The following PCDHGC4 variants were observed in gnomAD, a reference collection of about 807,000 sequenced individuals.
PCDHGC4 encodes the protein protocadherin gamma subfamily C, 4.
Under a neutral mutation model 59.7 loss-of-function variants are expected in PCDHGC4, and 15 were observed. That is an observed-to-expected ratio of 0.25 (90% CI 0.17 to 0.39). The LOEUF is 0.39. Among genes scored for constraint, PCDHGC4 ranks in the 10% least tolerant of loss-of-function variants. The pLI is 1.00. For missense variants in PCDHGC4, 1,016 were observed against 1,189.5 expected (o/e 0.85, Z 2.15); for synonymous variants, 434 against 481.4 (o/e 0.90, Z 1.29).
In PCDHGC4 at chr5:141,489,637, T is replaced by G. The variant is rs1230531256; in HGVS notation, c.2442+2022T>G. The G allele has an allele frequency of 6.2e-6, 10 of 1,614,032 alleles. No homozygotes were observed. The highest frequency in any genetic ancestry group is 2.7e-5 in the African/African-American group (2 of 74,914). On this transcript the variant is annotated intron_variant, in intron 1 of 3. Transcript: ENST00000306593. The surrounding 1 kb of genome is among the most constrained non-coding windows in gnomAD (Gnocchi z 4.5). The stretch of plus-strand genomic sequence containing the variant: ...GGATCTCAATGACAACTCTCCTAGC[T>G]TTGCCACCCCTGAGCGAGAGATGCG...
chr5:141,498,053 G>A (rs2099781284), intron 2 of PCDHGC4, among the ~76,000 whole-genome samples: 1 of 152,204 alleles, frequency 6.6e-6, no homozygotes, highest in Non-Finnish European at 1.5e-5. Flanking sequence ...AAATAAATGT[G>A]AGACTGAAAC....
chr5:141,502,884 A>T (rs2099816871), intron 2 of PCDHGC4, among the ~76,000 whole-genome samples: 1 of 36,804 alleles, frequency 2.7e-5, no homozygotes, highest in African/African-American at 3.5e-4. Context: ...TTTTTTTGAC[A>T]GGGAGTCTAG....
rs757308340 is a variant in PCDHGC4, at chr5:141,487,575, G to A, written c.2402G>A (p.Arg801His). ...GCACCTATGGCAGGGGAGCCTGTTC[G>A]CCCAAGCTGCCCACCCTCTGATCTT... ...PSAPMAGEPV[R>H]PSCPPSDLLY... The change falls in exon 1 of 4, where the codon CGC becomes CAC. Residue 801 changes from arginine to histidine, a missense_variant. By Grantham distance (29) the Arg-to-His change is conservative (BLOSUM62 0). Coordinates refer to ENST00000306593, the MANE Select transcript of PCDHGC4 (RefSeq NM_018928.3). This position sits in a 1 kb window ranked among gnomAD's most constrained non-coding sequence, Gnocchi z 5.0. The A allele has an allele frequency of 3.1e-6, 5 of 1,614,018 alleles. No homozygotes were observed. In the African/African-American group the frequency reaches 4.0e-5, roughly 13 times the overall value.
chr5:141,486,565 TC>T lies in PCDHGC4; in HGVS notation c.1394del (p.Pro465LeufsTer22). The T allele has an allele frequency of 6.2e-7, 1 of 1,614,024 alleles. No homozygotes were observed. The highest frequency in any genetic ancestry group is 2.2e-5 in the East Asian group (1 of 44,880). On this transcript the variant is annotated frameshift_variant, in exon 1 of 4. Transcript: ENST00000306593. LOFTEE classifies it high-confidence loss of function. This position sits in a 1 kb window ranked among gnomAD's most constrained non-coding sequence, Gnocchi z 5.0. Reference sequence around the variant, plus strand: ...TTCAGAGGTCACATGAGGTGTTTGTTCCTGAGAACAATCGCCCAGGGGACCT... The same window carrying T: ...TTCAGAGGTCACATGAGGTGTTTGTTCTGAGAACAATCGCCCAGGGGACCT... ...FFQRSHEVFV[P>X]ENNRPGDLLC...
rs769074023 is a variant in PCDHGC4, at chr5:141,491,738, G to A, written c.2443-3069G>A. ...GCGCCGCCCCGGGCGACCCCTGGGG[G>A]CGGCACTGGAGAAGCCGCCCGTCCT... On this transcript the variant is annotated intron_variant, in intron 1 of 3. Transcript: ENST00000306593. The surrounding 1 kb of genome is among the most constrained non-coding windows in gnomAD (Gnocchi z 6.9). 6.2e-7 allele frequency: 1 copy of A among 1,600,346 alleles called. No homozygotes were observed. The highest frequency in any genetic ancestry group is 8.5e-7 in the Non-Finnish European group (1 of 1,174,196).
At chr5:141,488,762 C>T (rs1470160100) in intron 1 of PCDHGC4, among the ~76,000 whole-genome samples, 1 of 152,142 alleles carries the variant, frequency 6.6e-6, no homozygotes, top group Non-Finnish European at 1.5e-5. Context: ...TGGGACAGAA[C>T]GCTGAGGAGT....
In PCDHGC4 at chr5:141,489,068, G is replaced by GGC; in HGVS notation, c.2442+1453_2442+1454insGC. 1 of 291,558 alleles carries GGC rather than the reference G, an allele frequency of 3.4e-6. No individual in the cohort carries two copies. The allele number at this position is 291,558 out of a possible 1,614,324, so 18.1% of individuals were successfully genotyped here. ...CTCAAATTCAGCTCCCCTCCCCCCT[G>GGC]CCCACCCCCGCCACTCGGTGACTAA... On this transcript the variant is annotated intron_variant, in intron 1 of 3. Transcript: ENST00000306593. The surrounding 1 kb of genome is among the most constrained non-coding windows in gnomAD (Gnocchi z 4.5).
Position 141,486,000 on chromosome 5 carries a change from A to G in PCDHGC4, c.827A>G (p.Asn276Ser). 1 of 1,614,194 alleles carries G rather than the reference A, an allele frequency of 6.2e-7. No individual in the cohort carries two copies. Among genetic ancestry groups the G allele is most frequent in the Non-Finnish European group, 8.5e-7 (1 of 1,180,034 alleles). Residue 276 changes from asparagine to serine, a missense_variant, in exon 1 of 4, where the codon AAC becomes AGC. Asn to Ser is a conservative substitution (Grantham distance 46). Transcript: ENST00000306593. The surrounding 1 kb of genome is among the most constrained non-coding windows in gnomAD (Gnocchi z 5.7). Reference protein sequence around the residue: ...ASDPDLGPSGNVTFYFSGHTP... With the variant: ...ASDPDLGPSGSVTFYFSGHTP... ...GACCCGGACCTGGGTCCCAGTGGTA[A>G]CGTCACCTTTTATTTCAGTGGTCAT...
chr5:141,502,955 T>C (rs2099817293), intron 2 of PCDHGC4, among the ~76,000 whole-genome samples: 1 of 149,868 alleles, frequency 6.7e-6, no homozygotes, highest in Non-Finnish European at 1.5e-5. Context: ...GCGATTCTCC[T>C]GCCTCAGCCT....
Position 141,491,057 on chromosome 5 carries a change from CCTA to C in PCDHGC4, c.2442+3445_2442+3447del. On this transcript the variant is annotated intron_variant, in intron 1 of 3. Coordinates refer to ENST00000306593, the MANE Select transcript of PCDHGC4 (RefSeq NM_018928.3). The surrounding 1 kb of genome is among the most constrained non-coding windows in gnomAD (Gnocchi z 6.9). ...GATGCAGGCCACAATGCGTGGCTCTCCTACTCACTGTTGCCACAGTCCACAGCC... is the reference window on the plus strand; with the variant it reads ...GATGCAGGCCACAATGCGTGGCTCTCCTCACTGTTGCCACAGTCCACAGCC... 6.2e-7 allele frequency: 1 copy of C among 1,614,208 alleles called. No homozygotes were observed. The highest frequency in any genetic ancestry group is 8.5e-7 in the Non-Finnish European group (1 of 1,180,022).
chr5:141,504,790 CT>C (rs1204741124), intron 2 of PCDHGC4, among the ~76,000 whole-genome samples: 15 of 152,080 alleles, frequency 9.9e-5, no homozygotes, highest in Admixed American at 3.9e-4. Context: ...TTGGGGCCTC[CT>C]ACATCTCCCC....
rs2233607 is a variant in PCDHGC4 at position 141,490,647 on chromosome 5, G to A, written c.2442+3032G>A. The A allele has an allele frequency of 2.5e-3, 3,973 of 1,614,082 alleles. 41 individuals carry two copies. The African/African-American group carries it at 0.027, about 11-fold the overall frequency. ...CTTACATCCTAGAAAACCGGCCTCC[G>A]GGCTCCCTTCTTTGCACTGTGGCTG... is the stretch of plus-strand genomic sequence containing the variant. On this transcript the variant is annotated intron_variant, in intron 1 of 3. Transcript: ENST00000306593. The surrounding 1 kb of genome is among the most constrained non-coding windows in gnomAD (Gnocchi z 5.4).
chr5:141,494,431 T>C (rs1403792155), intron 1 of PCDHGC4, among the ~76,000 whole-genome samples: 1 of 152,158 alleles, frequency 6.6e-6, no homozygotes, highest in Non-Finnish European at 1.5e-5. Context: ...TTGAAAAGCC[T>C]CCTTTGCCAC....
Position 141,491,306 on chromosome 5 carries a change from A to G in PCDHGC4, c.2443-3501A>G. ...CTCATACACCCTCCTGAGCGTTCAGACCTTACCCTTTACCTCATTGTGGCT... is the reference window on the plus strand; with the variant it reads ...CTCATACACCCTCCTGAGCGTTCAGGCCTTACCCTTTACCTCATTGTGGCT... On this transcript the variant is annotated intron_variant, in intron 1 of 3. Coordinates refer to ENST00000306593, the MANE Select transcript of PCDHGC4 (RefSeq NM_018928.3). This position sits in a 1 kb window ranked among gnomAD's most constrained non-coding sequence, Gnocchi z 6.9. 1 of 1,614,032 alleles carries G rather than the reference A, an allele frequency of 6.2e-7. No individual in the cohort carries two copies. The highest frequency in any genetic ancestry group is 2.2e-5 in the East Asian group (1 of 44,872).
At position 141,489,720 on chromosome 5, in the gene PCDHGC4, G is replaced by T. The variant is rs560729125; in HGVS notation, c.2442+2105G>T. 1.9e-6 allele frequency: 3 copies of T among 1,614,200 alleles called. No individual in the cohort carries two copies. Among genetic ancestry groups the T allele is most frequent in the Middle Eastern group, 1.6e-4 (1 of 6,062 alleles). ...TCCCACTGGACAGTGCCCAGGATCC[G>T]GATGTGGGCACCAATACTGTGAGCT... On this transcript the variant is annotated intron_variant, in intron 1 of 3. Transcript: ENST00000306593. This position sits in a 1 kb window ranked among gnomAD's most constrained non-coding sequence, Gnocchi z 4.5.
chr5:141,507,937 A>T (rs2154594220), intron 3 of PCDHGC4: 1 of 152,420 alleles, frequency 6.6e-6, no homozygotes, highest in Admixed American at 6.5e-5. Context: ...AGAGGGGTTA[A>T]GTAAGAGGGA....
chr5:141,501,664 TATAG>T (rs1161034391), intron 2 of PCDHGC4, among the ~76,000 whole-genome samples: 1 of 152,064 alleles, frequency 6.6e-6, no homozygotes, highest in East Asian at 1.9e-4. Flanking sequence ...TGTTGGAAAA[TATAG>T]ATAATCACAA....
chr5:141,486,832 A>G lies in PCDHGC4; in HGVS notation c.1659A>G (p.Leu553=). 2.5e-6 allele frequency: 4 copies of G among 1,614,182 alleles called. No individual in the cohort carries two copies. Among genetic ancestry groups the G allele is most frequent in the South Asian group, 1.1e-5 (1 of 91,082 alleles). ...PPLSSTVTVR[L]FVLDLNDNAP... ...TTAGCAGCACTGTAACAGTTCGTCT[A>G]TTTGTGCTGGACCTCAATGACAATG... The change falls in exon 1 of 4, where the codon CTA becomes CTG. Residue 553 remains leucine, a synonymous_variant. Transcript: ENST00000306593. The surrounding 1 kb of genome is among the most constrained non-coding windows in gnomAD (Gnocchi z 5.0).
chr5:141,500,294 C>T (rs755761935), intron 2 of PCDHGC4, among the ~76,000 whole-genome samples: 3 of 151,732 alleles, frequency 2.0e-5, no homozygotes, highest in Non-Finnish European at 2.9e-5. Flanking sequence ...CTGCAAGCTC[C>T]GCCTCCCAGG....
Sources: allele counts gnomAD v4.1 joint callset (sites outside exome capture counted in the v4.1 genomes callset), GRCh38; gene constraint gnomAD v4.1.1; non-coding constraint Gnocchi (gnomAD v3.1); transcripts MANE v1.5; gene names NCBI Gene and HGNC (gene_info 2026-07-23, HGNC 2026-07-21).